The following BAZ2B variants were observed in gnomAD, a reference collection of about 807,000 sequenced individuals.
BAZ2B encodes the protein bromodomain adjacent to zinc finger domain 2B.
BAZ2B carries 91 observed loss-of-function variants against 246.0 expected under a neutral mutation model. The ratio of observed to expected loss-of-function variants is 0.37; its 90% CI spans 0.31 to 0.44. BAZ2B has a LOEUF of 0.44. Ranked by LOEUF, BAZ2B falls within the 20% of genes least tolerant of loss-of-function variation. BAZ2B has a pLI of 1.00. For synonymous variants in BAZ2B, 855 were observed against 860.0 expected (o/e 0.99, Z 0.10); for missense variants, 2,332 against 2,533.7 (o/e 0.92, Z 1.71).
chr2:159,500,489 G>A (rs1278968086), intron 2 of BAZ2B, among the ~76,000 whole-genome samples: 5 of 152,056 alleles, frequency 3.3e-5, no homozygotes, highest in African/African-American at 4.8e-5. Flanking sequence ...CTCCAGCTTT[G>A]TTCTTTTTGC....
intron 31 of BAZ2B, 103 bp from the exon 32 acceptor site, chr2:159,337,875 G>A: frequency 2.7e-6 from 3 of 1,101,140 alleles, no homozygotes; most frequent in Non-Finnish European, 3.8e-6. Context: ...CAGATCTCAA[G>A]GATTGTTACT....
Position 159,350,313 on chromosome 2 carries a change from C to A in BAZ2B, c.4258G>T (p.Glu1420Ter). The A allele has an allele frequency of 6.3e-7, 1 of 1,576,542 alleles. No individual in the cohort carries two copies. ...AKEREKLKKA[E>*]SVQIKEEMFE... ...ATTTCTTCTTTGATCTGGACACTTT[C>A]TGCCTTTTTCAGTTTTTCTCTTTCT... The change falls in exon 28 of 37, where the codon GAA becomes TAA. Residue 1420 changes from glutamate (E) to a stop codon, truncating the protein, a stop_gained. Coordinates refer to ENST00000392783, the MANE Select transcript of BAZ2B (RefSeq NM_013450.4). LOFTEE classifies it high-confidence loss of function.
At chr2:159,712,187 G>A in the BAZ2B span, 1 of 152,086 alleles carries the variant, frequency 6.6e-6, no homozygotes, top group Non-Finnish European at 1.5e-5. Context: ...GCGCCCGGGA[G>A]GGAAGGGGCT....
At chr2:159,579,356 C>T (rs953324571) in intron 1 of BAZ2B, among the ~76,000 whole-genome samples, 41 of 152,010 alleles carry the variant, frequency 2.7e-4, no homozygotes, top group Non-Finnish European at 5.1e-4. Flanking sequence ...ACACATACAC[C>T]CTCCCAAGAC....
chr2:159,339,847 CAT>C (rs1250493859), intron 31 of BAZ2B, among the ~76,000 whole-genome samples: 1 of 151,952 alleles, frequency 6.6e-6, no homozygotes, highest in African/African-American at 2.4e-5. Flanking sequence ...TATTCTCACT[CAT>C]ATGTGAGAAC....
chr2:159,548,040 A>C (rs139852676), intron 2 of BAZ2B, among the ~76,000 whole-genome samples: 1 of 152,170 alleles, frequency 6.6e-6, no homozygotes, highest in South Asian at 2.1e-4. Context: ...AGGTAAAGAG[A>C]GGGTTTCTTT....
At chr2:159,347,450 A>G (rs771339262) in intron 31 of BAZ2B, 36 bp downstream of exon 31, 1 of 1,589,400 alleles carries the variant, frequency 6.3e-7, no homozygotes, top group Non-Finnish European at 8.6e-7. Flanking sequence ...ATCTTCCATT[A>G]TCCTAAAAAC....
intron 3 of BAZ2B, chr2:159,462,650 C>T (rs1377988171): frequency 3.0e-6 from 3 of 1,000,788 alleles, no homozygotes; most frequent in East Asian, 2.4e-5. Context: ...CTGAACACTG[C>T]CATCTTCGTA....
chr2:159,524,512 T>C (rs766844576), intron 2 of BAZ2B, among the ~76,000 whole-genome samples: 1 of 151,846 alleles, frequency 6.6e-6, no homozygotes. Context: ...CTTTTTGGGG[T>C]AGAGGAGGTA....
chr2:159,467,191 A>G (rs1465330369), intron 3 of BAZ2B, among the ~76,000 whole-genome samples: 1 of 152,174 alleles, frequency 6.6e-6, no homozygotes, highest in Non-Finnish European at 1.5e-5. Flanking sequence ...AAATTTGAGA[A>G]GGCAGGCAGG....
At chr2:159,416,455 C>A (rs1189610809) in intron 13 of BAZ2B, among the ~76,000 whole-genome samples, 1 of 152,112 alleles carries the variant, frequency 6.6e-6, no homozygotes, top group Non-Finnish European at 1.5e-5. Flanking sequence ...ACCAAGGCAG[C>A]ATGTATCATA....
chr2:159,523,284 C>T (rs906789837), intron 2 of BAZ2B, among the ~76,000 whole-genome samples: 2 of 152,074 alleles, frequency 1.3e-5, no homozygotes, highest in African/African-American at 4.8e-5. Context: ...TACCTGTAGT[C>T]TTAGCAACTC....
At chr2:159,616,881 C>T (rs1163810311), upstream of BAZ2B, 1 of 152,068 alleles carries the variant, frequency 6.6e-6, no homozygotes, top group African/African-American at 2.4e-5. Flanking sequence ...CAACCATCTC[C>T]ACCTAAATTT....
rs914162313 is a variant in BAZ2B, at chr2:159,389,553, A to C, written c.3076-68T>G. On this transcript the variant is annotated intron_variant, in intron 20 of 36. Transcript: ENST00000392783. ...TATATGTTGGAATAAACTTAGAATT[A>C]TGTAGCAACATTGAATTATTTTGCT... 16 of 1,308,288 alleles carry C rather than the reference A, an allele frequency of 1.2e-5. No homozygotes were observed. In the Admixed American group the frequency reaches 1.8e-4, roughly 15 times the overall value. 81.0% of individuals were successfully genotyped at this position (1,308,288 alleles called of 1,614,324 possible).
At chr2:159,695,408 G>A in the BAZ2B span, 2 of 150,386 alleles carry the variant, frequency 1.3e-5, no homozygotes, top group South Asian at 4.2e-4. Context: ...GCTTATACTT[G>A]AAGGTGTCAT....
At position 159,433,156 on chromosome 2, in the gene BAZ2B, C is replaced by T; in HGVS notation, c.1501G>A (p.Val501Ile). 2 of 1,614,164 alleles carry T rather than the reference C, an allele frequency of 1.2e-6. No homozygotes were observed. The highest frequency in any genetic ancestry group is 1.7e-6 in the Non-Finnish European group (2 of 1,180,004). The stretch of plus-strand genomic sequence containing the variant: ...AGTGCTAGAGGAGCTTCTTGAATGA[C>T]ACTTTGAATAACTCCATTTGGTTGG... Reference protein sequence around the residue: ...NHQPNGVIQSVIQEAPLALTT... With the variant: ...NHQPNGVIQSIIQEAPLALTT... The change falls in exon 9 of 37, where the codon GTC becomes ATC. Residue 501 changes from valine (V) to isoleucine (I), a missense_variant. Physicochemically the swap from Val to Ile is conservative, Grantham distance 29 (BLOSUM62 3). This residue lies in a region of BAZ2B where 651 missense variants were observed against 650.9 expected (regional missense o/e 1.00). Coordinates refer to ENST00000392783, the MANE Select transcript of BAZ2B (RefSeq NM_013450.4).
At chr2:159,403,183 TTAAAATAGACCCTATA>T (rs137999463) in intron 16 of BAZ2B, among the ~76,000 whole-genome samples, 5,105 of 152,292 alleles carry the variant, frequency 0.034, 246 homozygotes, top group African/African-American at 0.093. Flanking sequence ...AATGCTGACT[TTAAAATAGACCCTATA>T]TAACAGAGAG....
intron 1 of BAZ2B, among the ~76,000 whole-genome samples, chr2:159,613,137 CATA>C (rs900234491): frequency 1.4e-4 from 22 of 152,160 alleles, no homozygotes; most frequent in East Asian, 5.8e-4. Flanking sequence ...AAATCAGTAT[CATA>C]ATGTTATGTA....
At chr2:159,565,039 T>C (rs980462475) in intron 1 of BAZ2B, among the ~76,000 whole-genome samples, 2 of 152,082 alleles carry the variant, frequency 1.3e-5, no homozygotes, top group African/African-American at 4.8e-5. Context: ...ATCAGCTAAT[T>C]TTTGTAATTT....
Sources: allele counts gnomAD v4.1 joint callset (sites outside exome capture counted in the v4.1 genomes callset), GRCh38; gene constraint gnomAD v4.1.1; regional missense constraint gnomAD v4.1.1; transcripts MANE v1.5; gene names NCBI Gene and HGNC (gene_info 2026-07-23, HGNC 2026-07-21).